The following ZFYVE28 variants were observed in gnomAD, a reference collection of about 807,000 sequenced individuals.
ZFYVE28 encodes the protein lateral signaling target protein 2 homolog.
ZFYVE28 carries 40 observed loss-of-function variants against 82.1 expected under a neutral mutation model. That is an observed-to-expected ratio of 0.49 (90% CI 0.38 to 0.63). The LOEUF is 0.63. Among genes scored for constraint, ZFYVE28 ranks in the 30% least tolerant of loss-of-function variants. The pLI is 0.00. For synonymous variants in ZFYVE28, 612 were observed against 546.1 expected (o/e 1.12, Z -1.68); for missense variants, 1,321 against 1,242.1 (o/e 1.06, Z -0.96).
Position 2,409,765 on chromosome 4 carries a change from A to C in ZFYVE28, c.39+8520T>G, listed in dbSNP as rs1403770335. Among the ~76,000 whole-genome samples, 1 of 152,228 alleles carries C rather than the reference A, an allele frequency of 6.6e-6. No homozygotes were observed. Among genetic ancestry groups the C allele is most frequent in the African/African-American group, 2.4e-5 (1 of 41,458 alleles). On this transcript the variant is annotated intron_variant, in intron 1 of 12. Coordinates refer to ENST00000290974, the MANE Select transcript of ZFYVE28 (RefSeq NM_020972.3). This position sits in a 1 kb window ranked among gnomAD's most constrained non-coding sequence, Gnocchi z 4.4. ...TTTGAGAAATTTGTCAGAACTACCC[A>C]ACCACGATCAATCCCAGACACAGAA...
chr4:2,338,929 G>A (rs658434), intron 4 of ZFYVE28, among the ~76,000 whole-genome samples: 58,688 of 151,948 alleles, frequency 0.39, 11,979 homozygotes, highest in East Asian at 0.62. Context: ...GGTTCAAGCG[G>A]TTCTCTTGCC....
chr4:2,279,235 C>T lies in ZFYVE28; in HGVS notation c.2052-5019G>A, dbSNP rs118065954. Among the ~76,000 whole-genome samples, 23 of 152,262 alleles carry T rather than the reference C, an allele frequency of 1.5e-4. No homozygotes were observed. In the East Asian group the frequency reaches 4.2e-3, roughly 28 times the overall value. ...TCACTTGACATCAGGAGCTCGAGACCAGCCTGGCCAACTTGGTGAAACCCC... is the reference window on the plus strand; with the variant it reads ...TCACTTGACATCAGGAGCTCGAGACTAGCCTGGCCAACTTGGTGAAACCCC... On this transcript the variant is annotated intron_variant, in intron 8 of 12. Coordinates refer to ENST00000290974, the MANE Select transcript of ZFYVE28 (RefSeq NM_020972.3).
rs1436223628 is a variant in ZFYVE28, at chr4:2,269,657, T to C, written c.*1068A>G. The stretch of plus-strand genomic sequence containing the variant: ...AATTACAGCATTTAGAAAATAAATA[T>C]AATCTCAATACATAATATTTCCTCC... On this transcript the variant is annotated 3_prime_UTR_variant, in exon 13 of 13. Coordinates refer to ENST00000290974, the MANE Select transcript of ZFYVE28 (RefSeq NM_020972.3). The C allele has an allele frequency of 6.6e-6, 1 of 152,230 alleles. No individual in the cohort carries two copies. The highest frequency in any genetic ancestry group is 2.4e-5 in the African/African-American group (1 of 41,456). 9.4% of individuals were successfully genotyped at this position (152,230 alleles called of 1,614,324 possible). A position where few individuals can be genotyped will look rare whatever the true frequency, so the allele number is the denominator to read the frequency against.
At chr4:2,381,321 A>G (rs994880681) in intron 1 of ZFYVE28, among the ~76,000 whole-genome samples, 1 of 152,242 alleles carries the variant, frequency 6.6e-6, no homozygotes, top group Non-Finnish European at 1.5e-5. Context: ...GCATTCAAGA[A>G]GTGACTTGGG....
At chr4:2,399,083 A>AGATCCAGGGCACAAGGGTGG (rs1297197658) in intron 1 of ZFYVE28, among the ~76,000 whole-genome samples, 1 of 117,502 alleles carries the variant, frequency 8.5e-6, no homozygotes, top group Non-Finnish European at 1.7e-5. Context: ...CACAAGCGTG[A>AGATCCAGGGCACAAGGGTGG]AGGTGAGATC....
intron 1 of ZFYVE28, among the ~76,000 whole-genome samples, chr4:2,398,035 G>GA (rs1407778449): frequency 9.0e-6 from 1 of 111,234 alleles, no homozygotes; most frequent in Non-Finnish European, 1.9e-5. Context: ...GGTGAGATGG[G>GA]AGGGGGGGTC....
Position 2,304,621 on chromosome 4 carries a change from G to A in ZFYVE28, c.1719C>T (p.Ser573=), listed in dbSNP as rs1253761496. 3 of 1,612,368 alleles carry A rather than the reference G, an allele frequency of 1.9e-6. No individual in the cohort carries two copies. Among genetic ancestry groups the A allele is most frequent in the Non-Finnish European group, 2.5e-6 (3 of 1,179,828 alleles). Residue 573 remains serine (S), a synonymous_variant, in exon 8 of 13, where the codon AGC becomes AGT. Coordinates refer to ENST00000290974, the MANE Select transcript of ZFYVE28 (RefSeq NM_020972.3). Reference sequence around the variant, plus strand: ...GCAGACGCTCCACCACGTCCTCCCTGCTGTCCCCGCAGCTCCCACAGCACA... The same window carrying A: ...GCAGACGCTCCACCACGTCCTCCCTACTGTCCCCGCAGCTCCCACAGCACA... ...SCVCCGSCGD[S]REDVVERLRE...
Position 2,335,865 on chromosome 4 carries a change from G to T in ZFYVE28, c.612-71C>A. 7.3e-7 allele frequency: 1 copy of T among 1,364,596 alleles called. No individual in the cohort carries two copies. Among genetic ancestry groups the T allele is most frequent in the South Asian group, 1.2e-5 (1 of 80,090 alleles). 84.5% of individuals were successfully genotyped at this position (1,364,596 alleles called of 1,614,324 possible). A position where few individuals can be genotyped will look rare whatever the true frequency, so the allele number is the denominator to read the frequency against. On this transcript the variant is annotated intron_variant, in intron 5 of 12. Coordinates refer to ENST00000290974, the MANE Select transcript of ZFYVE28 (RefSeq NM_020972.3). The surrounding 1 kb of genome is among the most constrained non-coding windows in gnomAD (Gnocchi z 5.8). ...ACAGCCACAGGTTGGACCCCAGCAG[G>T]GACAGGCAGTGCGCTCAATCTGTAC... is the stretch of plus-strand genomic sequence containing the variant.
chr4:2,327,283 TATATATATATATATATATATATATATCG>T (rs1401449266), intron 6 of ZFYVE28, among the ~76,000 whole-genome samples: 7 of 34,258 alleles, frequency 2.0e-4, no homozygotes, highest in African/African-American at 5.6e-4. Context: ...TATATATATA[TATATATATATATATATATATATATATCG>T]AATAAAGTTG....
chr4:2,388,387 T>A, intron 1 of ZFYVE28, among the ~76,000 whole-genome samples: 1 of 152,142 alleles, frequency 6.6e-6, no homozygotes, highest in East Asian at 1.9e-4. Flanking sequence ...AAAAAGGTCA[T>A]GGACTATCAA....
intron 8 of ZFYVE28, among the ~76,000 whole-genome samples, chr4:2,289,611 G>A (rs964899044): frequency 6.6e-6 from 1 of 152,134 alleles, no homozygotes; most frequent in Non-Finnish European, 1.5e-5. Context: ...TCGCCCCCTG[G>A]GGTGATCCTC....
At chr4:2,366,312 C>CTT (rs1726880662) in intron 1 of ZFYVE28, among the ~76,000 whole-genome samples, 1 of 152,246 alleles carries the variant, frequency 6.6e-6, no homozygotes, top group Non-Finnish European at 1.5e-5. Context: ...TAAGAACCTG[C>CTT]TTATGCAAAG....
chr4:2,336,618 A>G (rs1280586941), intron 5 of ZFYVE28, among the ~76,000 whole-genome samples: 3 of 152,160 alleles, frequency 2.0e-5, no homozygotes, highest in African/African-American at 7.2e-5. Context: ...AACTCAGCAA[A>G]AACTCATTCC....
chr4:2,308,866 A>G (rs764492639), intron 7 of ZFYVE28, among the ~76,000 whole-genome samples: 3 of 152,200 alleles, frequency 2.0e-5, no homozygotes, highest in Non-Finnish European at 2.9e-5. Flanking sequence ...TCTTCATAAC[A>G]TCAGGGGTTC....
chr4:2,393,718 G>A (rs1031162347), intron 1 of ZFYVE28, among the ~76,000 whole-genome samples: 8 of 152,098 alleles, frequency 5.3e-5, no homozygotes, highest in Admixed American at 6.5e-5. Flanking sequence ...GCCCCTTGCC[G>A]CTGCCCCTCC....
In ZFYVE28 at chr4:2,274,088, A is replaced by G; in HGVS notation, c.2180T>C (p.Ile727Thr). The G allele has an allele frequency of 6.2e-7, 1 of 1,614,034 alleles. No individual in the cohort carries two copies. The highest frequency in any genetic ancestry group is 8.5e-7 in the Non-Finnish European group (1 of 1,180,004). The change falls in exon 9 of 13, where the codon ATC (isoleucine) becomes ACC (threonine). Residue 727 changes from isoleucine (I) to threonine (T), a missense_variant. Physicochemically the swap from Ile to Thr is moderately conservative, Grantham distance 89. Transcript: ENST00000290974. ...TGAAATGCAGACGAACAGGCGGTGG[A>G]TGAGGTCGTGGCTGCCGTGGAACCT... ...RSRFHGSHDL[I>T]HRLFVCISGV...
At chr4:2,379,740 C>A (rs1439957562) in intron 1 of ZFYVE28, among the ~76,000 whole-genome samples, 2 of 152,070 alleles carry the variant, frequency 1.3e-5, no homozygotes, top group Non-Finnish European at 2.9e-5. Flanking sequence ...ACATATATAT[C>A]AATATTACAT....
chr4:2,301,228 G>A (rs1715471193), intron 8 of ZFYVE28, among the ~76,000 whole-genome samples: 1 of 152,186 alleles, frequency 6.6e-6, no homozygotes, highest in Non-Finnish European at 1.5e-5. Flanking sequence ...AGCCACCCCG[G>A]AACATGCTTG....
At chr4:2,371,382 G>A (rs900195030) in intron 1 of ZFYVE28, among the ~76,000 whole-genome samples, 20 of 152,348 alleles carry the variant, frequency 1.3e-4, no homozygotes, top group African/African-American at 4.1e-4. Context: ...TGATTAAGAC[G>A]ATTCCATCAT....
Sources: allele counts gnomAD v4.1 joint callset (sites outside exome capture counted in the v4.1 genomes callset), GRCh38; gene constraint gnomAD v4.1.1; non-coding constraint Gnocchi (gnomAD v3.1); transcripts MANE v1.5; gene names NCBI Gene and HGNC (gene_info 2026-07-23, HGNC 2026-07-21).